GAS7: variants seen among roughly 807,000 people sequenced by gnomAD.
The protein encoded by GAS7 is growth arrest specific 7, also known as growth arrest-specific protein 7.
In GAS7, 28 loss-of-function variants were observed where a neutral mutation model predicts 71.1. That is an observed-to-expected ratio of 0.39 (90% CI 0.29 to 0.54). The LOEUF (loss-of-function observed/expected upper bound fraction) is 0.54. Ranked by LOEUF, GAS7 falls within the 20% of genes least tolerant of loss-of-function variation. The probability of loss-of-function intolerance (pLI) is 0.62; values close to 1 mark genes in which losing one functional copy is unlikely to be tolerated. For synonymous variants in GAS7, 258 were observed against 245.8 expected (o/e 1.05, Z -0.46); for missense variants, 436 against 627.8 (o/e 0.69, Z 3.27).
intron 1 of GAS7, among the ~76,000 whole-genome samples, chr17:10,054,512 C>T (rs574296131): frequency 6.6e-6 from 1 of 152,274 alleles, no homozygotes; most frequent in East Asian, 1.9e-4. Flanking sequence ...TAAGTGAAAC[C>T]ATGGGCAACC....
chr17:10,165,767 G>A (rs537649568), intron 1 of GAS7, among the ~76,000 whole-genome samples: 2 of 152,248 alleles, frequency 1.3e-5, no homozygotes, highest in Non-Finnish European at 1.5e-5. Flanking sequence ...GGGGGCATGA[G>A]ACTTGAGGCT....
intron 1 of GAS7, among the ~76,000 whole-genome samples, chr17:10,158,354 A>C (rs892111964): frequency 1.3e-5 from 2 of 151,072 alleles, no homozygotes; most frequent in South Asian, 2.1e-4. Flanking sequence ...AAAAAAAAAA[A>C]AAAAAACAAG....
At position 9,959,426 on chromosome 17, in the gene GAS7, C is replaced by A; in HGVS notation, c.472-171G>T. ...AAGCAGGGGTCTCCCTGACCCCACG[C>A]TGTTCCCACGCCCAGCTCTCGGGCT... is the stretch of plus-strand genomic sequence containing the variant. On this transcript the variant is annotated intron_variant, in intron 4 of 13. Transcript: ENST00000432992. The surrounding 1 kb of genome is among the most constrained non-coding windows in gnomAD (Gnocchi z 5.0). 1 of 1,453,536 alleles carries A rather than the reference C, an allele frequency of 6.9e-7. No individual in the cohort carries two copies. Among genetic ancestry groups the A allele is most frequent in the Non-Finnish European group, 9.1e-7 (1 of 1,103,070 alleles). 90.0% of individuals were successfully genotyped at this position (1,453,536 alleles called of 1,614,324 possible). A position where few individuals can be genotyped will look rare whatever the true frequency, so the allele number is the denominator to read the frequency against.
chr17:10,198,274 C>T lies in GAS7; in HGVS notation c.117G>A (p.Trp39Ter). The T allele has an allele frequency of 6.2e-6, 10 of 1,606,414 alleles. No individual in the cohort carries two copies. The highest frequency in any genetic ancestry group is 8.5e-6 in the Non-Finnish European group (10 of 1,179,510). The change falls in exon 1 of 14, where the codon TGG becomes TGA. Residue 39 changes from tryptophan to a stop codon, truncating the protein, a stop_gained. Coordinates refer to ENST00000432992, the MANE Select transcript of GAS7 (RefSeq NM_201433.2). LOFTEE classifies it high-confidence loss of function. ...GCCCGTCCTCCTTCTCGCCTTCCCA[C>T]CAGCCGCCGTCCGGGACCTGCAGCA... Reference protein sequence around the residue: ...ITLLQVPDGGWWEGEKEDGLR... With the variant: ...ITLLQVPDGG
Position 9,911,194 on chromosome 17 carries a change from G to C in GAS7, c.*6034C>G, listed in dbSNP as rs533825674. The C allele has an allele frequency of 9.0e-5, 21 of 233,280 alleles. No individual in the cohort carries two copies. The highest frequency in any genetic ancestry group is 1.7e-4 in the Admixed American group (3 of 17,778). The allele number at this position is 233,280 out of a possible 1,614,324, so 14.5% of individuals were successfully genotyped here. On this transcript the variant is annotated 3_prime_UTR_variant, in exon 14 of 14. Transcript: ENST00000432992. This position sits in a 1 kb window ranked among gnomAD's most constrained non-coding sequence, Gnocchi z 4.0. ...GACTCCCGAGAGCCCGTCTGCTGCAGGTGATGCTGGAAGGGAAGCGCCCCC... is the reference window on the plus strand; with the variant it reads ...GACTCCCGAGAGCCCGTCTGCTGCACGTGATGCTGGAAGGGAAGCGCCCCC...
rs111561754 is a variant in GAS7 at position 10,069,249 on chromosome 17, G to A, written c.184-49352C>T. Among the ~76,000 whole-genome samples, 475 of 152,272 alleles carry A rather than the reference G, an allele frequency of 3.1e-3. 2 individuals are homozygous for A. Among genetic ancestry groups the A allele is most frequent in the African/African-American group, 0.011 (459 of 41,558 alleles). On this transcript the variant is annotated intron_variant, in intron 1 of 13. Transcript: ENST00000432992. Reference sequence around the variant, plus strand: ...CGTTGACTCTCTCTGCACCATGTCCGTGGAATGGTTACTTGAAGGGATTTC... The same window carrying A: ...CGTTGACTCTCTCTGCACCATGTCCATGGAATGGTTACTTGAAGGGATTTC...
At chr17:9,942,517 T>A (rs1435880811) in intron 7 of GAS7, among the ~76,000 whole-genome samples, 4 of 152,188 alleles carry the variant, frequency 2.6e-5, no homozygotes, top group Non-Finnish European at 4.4e-5. Flanking sequence ...TCTTCATCTG[T>A]GTTCCCAAGC....
chr17:10,085,739 T>A (rs1766688318), intron 1 of GAS7, among the ~76,000 whole-genome samples: 3 of 145,842 alleles, frequency 2.1e-5, no homozygotes, highest in South Asian at 4.4e-4. Context: ...AGAGGAACCA[T>A]CCCTTACTGA....
intron 2 of GAS7, among the ~76,000 whole-genome samples, chr17:10,005,557 C>A (rs2071497579): frequency 6.6e-6 from 1 of 151,968 alleles, no homozygotes; most frequent in Non-Finnish European, 1.5e-5. Flanking sequence ...TGTGTTCATG[C>A]AGGAAGGTGG....
In GAS7 at chr17:9,917,184, A is replaced by T; in HGVS notation, c.*44T>A. ...GGCATGGGCCCCATGGTGGGAGCCCAGCCCCCCTCCCCAGCAGGACCCCCC... is the reference window on the plus strand; with the variant it reads ...GGCATGGGCCCCATGGTGGGAGCCCTGCCCCCCTCCCCAGCAGGACCCCCC... On this transcript the variant is annotated 3_prime_UTR_variant, in exon 14 of 14. Transcript: ENST00000432992. The T allele has an allele frequency of 1.4e-5, 12 of 868,394 alleles. No homozygotes were observed. Among genetic ancestry groups the T allele is most frequent in the Non-Finnish European group, 2.4e-5 (12 of 501,154 alleles). The allele number at this position is 868,394 out of a possible 1,614,324, so 53.8% of individuals were successfully genotyped here.
At chr17:10,154,147 A>G (rs1054252714) in intron 1 of GAS7, among the ~76,000 whole-genome samples, 4 of 152,212 alleles carry the variant, frequency 2.6e-5, no homozygotes, top group Admixed American at 2.0e-4. Flanking sequence ...TAGAATATAA[A>G]TGCTGGTTAA....
At chr17:10,109,224 G>A (rs2073787437) in intron 1 of GAS7, among the ~76,000 whole-genome samples, 1 of 152,028 alleles carries the variant, frequency 6.6e-6, no homozygotes, top group Non-Finnish European at 1.5e-5. Flanking sequence ...TTGCTAACAG[G>A]CATATAAAAA....
In GAS7 at chr17:9,974,196, G is replaced by A. The variant is rs574742901; in HGVS notation, c.386-4434C>T. On this transcript the variant is annotated intron_variant, in intron 3 of 13. Transcript: ENST00000432992. This position sits in a 1 kb window ranked among gnomAD's most constrained non-coding sequence, Gnocchi z 4.0. The stretch of plus-strand genomic sequence containing the variant: ...GGAAAGAAAACACAGTTTTCCATTC[G>A]ACCCTTTCTCCCCACGTAGCAGCTC... Among the ~76,000 whole-genome samples, 86 of 152,260 alleles carry A rather than the reference G, an allele frequency of 5.6e-4. No individual in the cohort carries two copies. The Middle Eastern group carries it at 0.017, about 30-fold the overall frequency.
Position 9,913,986 on chromosome 17 carries a change from T to G in GAS7, c.*3242A>C, listed in dbSNP as rs1182884491. 1 of 231,838 alleles carries G rather than the reference T, an allele frequency of 4.3e-6. No homozygotes were observed. Among genetic ancestry groups the G allele is most frequent in the Non-Finnish European group, 8.5e-6 (1 of 117,302 alleles). The allele number at this position is 231,838 out of a possible 1,614,324, so 14.4% of individuals were successfully genotyped here. ...CCCGCCCACTTTGAATAAACCCAGC[T>G]AAGTCCTCACCTAAGCACCAAGACA... is the stretch of plus-strand genomic sequence containing the variant. On this transcript the variant is annotated 3_prime_UTR_variant, in exon 14 of 14. Coordinates refer to ENST00000432992, the MANE Select transcript of GAS7 (RefSeq NM_201433.2).
At chr17:10,153,750 T>C (rs775662765) in intron 1 of GAS7, among the ~76,000 whole-genome samples, 6 of 152,184 alleles carry the variant, frequency 3.9e-5, no homozygotes, top group African/African-American at 7.2e-5. Context: ...ACCAAAAGGT[T>C]TGAGCAACTT....
At chr17:9,951,495 G>A (rs1422237246) in intron 5 of GAS7, among the ~76,000 whole-genome samples, 2 of 152,130 alleles carry the variant, frequency 1.3e-5, no homozygotes, top group African/African-American at 2.4e-5. Flanking sequence ...GGTGGCTCAT[G>A]CCTGTAATCC....
intron 1 of GAS7, among the ~76,000 whole-genome samples, chr17:10,193,790 C>T (rs1473202801): frequency 2.0e-5 from 3 of 152,144 alleles, no homozygotes. Context: ...CTGCCCCAGC[C>T]ACCATCTGAT....
intron 1 of GAS7, among the ~76,000 whole-genome samples, chr17:10,150,390 T>A (rs1213981307): frequency 3.1e-5 from 4 of 129,750 alleles, no homozygotes; most frequent in African/African-American, 6.1e-5. Flanking sequence ...TTCTTCTCTT[T>A]CTTTCTTTCT....
At chr17:9,976,804 T>C (rs533653398) in intron 3 of GAS7, among the ~76,000 whole-genome samples, 10 of 152,286 alleles carry the variant, frequency 6.6e-5, no homozygotes, top group African/African-American at 2.4e-4. Flanking sequence ...AAATAATAGA[T>C]TTCTTTTATC....
Sources: allele counts gnomAD v4.1 joint callset (sites outside exome capture counted in the v4.1 genomes callset), GRCh38; gene constraint gnomAD v4.1.1; non-coding constraint Gnocchi (gnomAD v3.1); transcripts MANE v1.5; gene names NCBI Gene and HGNC (gene_info 2026-07-23, HGNC 2026-07-21).